The following KCNG2 variants were observed in gnomAD, a reference collection of about 807,000 sequenced individuals.
KCNG2 encodes the protein potassium voltage-gated channel modifier subfamily G member 2.
In KCNG2, 7 loss-of-function variants were observed where a neutral mutation model predicts 12.3. The observed-to-expected ratio is 0.57, with a 90% CI of 0.32 to 1.07. KCNG2 has a LOEUF of 1.07. Among genes scored for constraint, KCNG2 ranks in the 50% least tolerant of loss-of-function variants. KCNG2 has a pLI of 0.04. For synonymous variants in KCNG2, 414 were observed against 351.4 expected, an observed-to-expected ratio of 1.18 and a Z score of -1.99; for missense variants, 703 against 726.0, an observed-to-expected ratio of 0.97 and a Z score of 0.36.
intron 3 of KCNG2, among the ~76,000 whole-genome samples, chr18:79,898,424 G>A (rs573724698): frequency 1.3e-5 from 2 of 152,214 alleles, no homozygotes; most frequent in African/African-American, 2.4e-5. Context: ...TCCCACCCAC[G>A]AGAGTGGGGA....
At position 79,863,917 on chromosome 18, in the gene KCNG2, CT is replaced by C. The variant is rs1272322147; in HGVS notation, c.254del (p.Leu85CysfsTer112). Reference protein sequence around the residue: ...SPCAFRAIVALLRAGKLRLLR... With the variant: ...SPCAFRAIVAXLRAGKLRLLR... ...GTGCGCCTTCCGCGCCATCGTGGCG[CT>C]TTTGCGCGCAGGGAAGCTGCGACTG... On this transcript the variant is annotated frameshift_variant, in exon 3 of 4. Transcript: ENST00000316249. LOFTEE classifies it high-confidence loss of function. The C allele has an allele frequency of 2.9e-6, 4 of 1,393,142 alleles. No homozygotes were observed. Among genetic ancestry groups the C allele is most frequent in the East Asian group, 3.0e-5 (1 of 33,166 alleles). 86.3% of individuals were successfully genotyped at this position (1,393,142 alleles called of 1,614,324 possible).
intron 3 of KCNG2, among the ~76,000 whole-genome samples, chr18:79,893,643 T>C (rs1023085685): frequency 2.0e-4 from 30 of 152,158 alleles, no homozygotes; most frequent in African/African-American, 7.2e-4. Flanking sequence ...GGTTGTTCAC[T>C]CCATTCAAAT....
chr18:79,844,275 G>A (rs770787522), intron 1 of KCNG2, among the ~76,000 whole-genome samples: 1 of 152,030 alleles, frequency 6.6e-6, no homozygotes, highest in Non-Finnish European at 1.5e-5. Context: ...TGAACCTGGA[G>A]GATGTTATGC....
At chr18:79,802,135 T>C (rs539228479) in intron 1 of KCNG2, among the ~76,000 whole-genome samples, 6 of 152,362 alleles carry the variant, frequency 3.9e-5, no homozygotes, top group Admixed American at 3.3e-4. Context: ...GCAGTTAGTT[T>C]TGTGTGTTCC....
At chr18:79,882,600 G>A (rs530863124) in intron 3 of KCNG2, among the ~76,000 whole-genome samples, 1 of 152,386 alleles carries the variant, frequency 6.6e-6, no homozygotes, top group African/African-American at 2.4e-5. Flanking sequence ...GGGAAATACA[G>A]AGTTAAGCCA....
chr18:79,810,639 C>CACT (rs2087487696), intron 1 of KCNG2, among the ~76,000 whole-genome samples: 1 of 152,166 alleles, frequency 6.6e-6, no homozygotes, highest in Non-Finnish European at 1.5e-5. Context: ...TGGCACAGGC[C>CACT]TGTAGTTGCA....
At chr18:79,827,927 C>CTTT (rs55913813) in intron 1 of KCNG2, among the ~76,000 whole-genome samples, 2,628 of 141,114 alleles carry the variant, frequency 0.019, 54 homozygotes, top group East Asian at 0.053. Context: ...TTCTTTCTTT[C>CTTT]TTTTTTTTTT....
At chr18:79,806,959 G>T (rs891068484) in intron 1 of KCNG2, among the ~76,000 whole-genome samples, 2 of 152,152 alleles carry the variant, frequency 1.3e-5, no homozygotes, top group Non-Finnish European at 2.9e-5. Context: ...GGTCTGTGTG[G>T]GGTCTCAGAT....
intron 3 of KCNG2, among the ~76,000 whole-genome samples, chr18:79,895,851 T>A (rs1980955817): frequency 6.6e-6 from 1 of 152,268 alleles, no homozygotes; most frequent in Non-Finnish European, 1.5e-5. Flanking sequence ...CACATCTTAT[T>A]TTCTGTTTCA....
chr18:79,833,054 A>T (rs573440589), intron 1 of KCNG2, among the ~76,000 whole-genome samples: 1 of 152,186 alleles, frequency 6.6e-6, no homozygotes, highest in East Asian at 1.9e-4. Flanking sequence ...AATTTGTATA[A>T]TTTTTTCTTA....
Position 79,828,559 on chromosome 18 carries a change from CTG to C in KCNG2, c.-114-27815_-114-27814del, listed in dbSNP as rs201169904. Among the ~76,000 whole-genome samples the C allele has an allele frequency of 6.5e-3, 978 of 150,938 alleles. 6 individuals are homozygous for C. Among genetic ancestry groups the C allele is most frequent in the South Asian group, 0.039 (187 of 4,748 alleles). ...TCTGTGTGTGCATCTGTGTGTCTATCTGTGTGCATGTCTGTGTGCATGTGTCT... is the reference window on the plus strand; with the variant it reads ...TCTGTGTGTGCATCTGTGTGTCTATCTGTGCATGTCTGTGTGCATGTGTCT... On this transcript the variant is annotated intron_variant, in intron 1 of 3. Coordinates refer to ENST00000316249, the MANE Select transcript of KCNG2 (RefSeq NM_012283.2).
intron 3 of KCNG2, among the ~76,000 whole-genome samples, chr18:79,890,302 ATT>A (rs1980700410): frequency 6.6e-6 from 1 of 152,112 alleles, no homozygotes. Context: ...TATGAATAAA[ATT>A]TTTTTAATTG....
At chr18:79,887,062 A>ACATG (rs1568271504) in intron 3 of KCNG2, among the ~76,000 whole-genome samples, 3 of 88,508 alleles carry the variant, frequency 3.4e-5, no homozygotes, top group Admixed American at 3.3e-4. Context: ...ACGTGGGGAC[A>ACATG]GGGACATGGG....
At chr18:79,836,267 T>C (rs556348991) in intron 1 of KCNG2, among the ~76,000 whole-genome samples, 1 of 152,312 alleles carries the variant, frequency 6.6e-6, no homozygotes, top group African/African-American at 2.4e-5. Context: ...AGGTAAATAA[T>C]GTTACCAGAG....
chr18:79,811,574 C>T (rs1432384129), intron 1 of KCNG2, among the ~76,000 whole-genome samples: 1 of 152,032 alleles, frequency 6.6e-6, no homozygotes, highest in Non-Finnish European at 1.5e-5. Context: ...AAGTCACTCA[C>T]CAAGAACCAA....
chr18:79,897,628 CCCT>C (rs972985837), intron 3 of KCNG2, among the ~76,000 whole-genome samples: 1 of 152,126 alleles, frequency 6.6e-6, no homozygotes, highest in East Asian at 1.9e-4. Context: ...TTTCTTCCTT[CCCT>C]CCTCCTCCTC....
chr18:79,850,713 A>G (rs1433364050), intron 1 of KCNG2, among the ~76,000 whole-genome samples: 1 of 152,184 alleles, frequency 6.6e-6, no homozygotes. Context: ...CAGTAAGACA[A>G]TCTGAAATTT....
Position 79,831,715 on chromosome 18 carries a change from CGG to C in KCNG2, c.-114-24663_-114-24662del, listed in dbSNP as rs1422858926. Among the ~76,000 whole-genome samples the C allele has an allele frequency of 8.3e-4, 56 of 67,796 alleles. 1 individual carries two copies. Among genetic ancestry groups the C allele is most frequent in the African/African-American group, 3.0e-3 (52 of 17,428 alleles). The allele number at this position is 67,796 out of a possible 152,430, so 44.5% of individuals were successfully genotyped here. ...GAGCCTTCGTCAGGAGGGTTCCCTG[CGG>C]ACAGAGCCTTCATCAGGAGGGTTCC... is the stretch of plus-strand genomic sequence containing the variant. On this transcript the variant is annotated intron_variant, in intron 1 of 3. Coordinates refer to ENST00000316249, the MANE Select transcript of KCNG2 (RefSeq NM_012283.2).
intron 3 of KCNG2, among the ~76,000 whole-genome samples, chr18:79,873,750 C>T (rs1465455958): frequency 6.6e-6 from 1 of 152,220 alleles, no homozygotes; most frequent in Non-Finnish European, 1.5e-5. Flanking sequence ...GGAGCGGCCG[C>T]GGTTAGAGCT....
Sources: gnomAD v4.1 joint callset for allele counts (sites outside exome capture counted in the v4.1 genomes callset) on GRCh38, gnomAD v4.1.1 for gene constraint, MANE v1.5 for transcripts, NCBI Gene and HGNC (gene_info 2026-07-23, HGNC 2026-07-21) for gene names.